Variants in AP5B1 observed in about 807,000 individuals in gnomAD.
AP5B1 encodes adaptor related protein complex 5 subunit beta 1.
In AP5B1, 3 loss-of-function variants were observed where a neutral mutation model predicts 5.7. The ratio of observed to expected loss-of-function variants is 0.53; its 90% confidence interval spans 0.24 to 1.36. The LOEUF is 1.36. Among genes scored for constraint, AP5B1 ranks in the 40% most tolerant of loss-of-function variants. The pLI is 0.17. For synonymous variants in AP5B1, 696 were observed against 555.5 expected, an observed-to-expected ratio of 1.25 and a Z score of -3.56; for missense variants, 1,310 against 1,143.2, an observed-to-expected ratio of 1.15 and a Z score of -2.10.
chr11:65,780,226 G>A lies in AP5B1; in HGVS notation c.267C>T (p.Pro89=). 2 of 1,511,038 alleles carry A rather than the reference G, an allele frequency of 1.3e-6. No individual in the cohort carries two copies. The highest frequency in any genetic ancestry group is 1.8e-6 in the Non-Finnish European group (2 of 1,133,186). The allele number at this position is 1,511,038 out of a possible 1,614,324, so 93.6% of individuals were successfully genotyped here. Residue 89 remains proline (P), a synonymous_variant, in exon 2 of 2, where the codon CCC becomes CCT. Coordinates refer to ENST00000532090, the MANE Select transcript of AP5B1 (RefSeq NM_138368.5). ...LDTLVLLPPR[P]SALRRPLLLA... is the part of the protein sequence containing the mutation. Reference sequence around the variant, plus strand: ...GCAGCAGTGGCCGACGGAGAGCTGAGGGCCGCGGGGGTAGGAGGACCAAGG... The same window carrying A: ...GCAGCAGTGGCCGACGGAGAGCTGAAGGCCGCGGGGGTAGGAGGACCAAGG...
At position 65,778,152 on chromosome 11, in the gene AP5B1, A is replaced by G. The variant is rs1326741896; in HGVS notation, c.2341T>C (p.Phe781Leu). ...CAGGAATCCCAGAGCTCCTCAAAGA[A>G]GCCCAGCCCGGCCCCCTCTGGAGGC... ...PQPPEGAGLG[F>L]FEELWDSCLP... The change falls in exon 2 of 2, where the codon TTC becomes CTC. Residue 781 changes from phenylalanine (F) to leucine (L), a missense_variant. Phe to Leu is a conservative substitution (Grantham distance 22). Coordinates refer to ENST00000532090, the MANE Select transcript of AP5B1 (RefSeq NM_138368.5). 1 of 1,612,826 alleles carries G rather than the reference A, an allele frequency of 6.2e-7. No homozygotes were observed. Among genetic ancestry groups the G allele is most frequent in the Non-Finnish European group, 8.5e-7 (1 of 1,179,898 alleles).
chr11:65,779,656 A>C lies in AP5B1; in HGVS notation c.837T>G (p.Tyr279Ter), dbSNP rs1424991832. The C allele has an allele frequency of 6.2e-7, 1 of 1,612,014 alleles. No individual in the cohort carries two copies. The highest frequency in any genetic ancestry group is 1.1e-5 in the South Asian group (1 of 91,018). ...GGGCCTGGGCCACAGGAGTGAGCAGATAGGAGGTGTCCAGAAGCTGGATCA... is the reference window on the plus strand; with the variant it reads ...GGGCCTGGGCCACAGGAGTGAGCAGCTAGGAGGTGTCCAGAAGCTGGATCA... ...AAVIQLLDTSYLLTPVAQAQL... is the reference protein window; with the variant it reads ...AAVIQLLDTS Residue 279 changes from tyrosine to a stop codon, truncating the protein, a stop_gained, in exon 2 of 2, where the codon TAT becomes TAG. Coordinates refer to ENST00000532090, the MANE Select transcript of AP5B1 (RefSeq NM_138368.5). LOFTEE classifies it low-confidence loss of function (END_TRUNC).
chr11:65,777,694 C>G lies in AP5B1; in HGVS notation c.*162G>C, dbSNP rs1337876838. 3 of 795,174 alleles carry G rather than the reference C, an allele frequency of 3.8e-6. No homozygotes were observed. Among genetic ancestry groups the G allele is most frequent in the Non-Finnish European group, 5.8e-6 (3 of 520,934 alleles). The allele number at this position is 795,174 out of a possible 1,614,324, so 49.3% of individuals were successfully genotyped here. On this transcript the variant is annotated 3_prime_UTR_variant, in exon 2 of 2. Transcript: ENST00000532090. ...CTTGCTAGAGCAGCAAAAACAGACT[C>G]AGACAGACCCTCACCCCCAGGAGCC...
rs761060780 is a variant in AP5B1 at position 65,779,645 on chromosome 11, G to T, written c.848C>A (p.Pro283His). ...QLLDTSYLLT[P>H]VAQAQLLWLL... ...CCACAGGAGCTGGGCCTGGGCCACA[G>T]GAGTGAGCAGATAGGAGGTGTCCAG... is the stretch of plus-strand genomic sequence containing the variant. The change falls in exon 2 of 2, where the codon CCT (proline) becomes CAT (histidine). Residue 283 changes from proline (P) to histidine (H), a missense_variant. Physicochemically the swap from Pro to His is moderately conservative, Grantham distance 77. Transcript: ENST00000532090. The T allele has an allele frequency of 6.2e-7, 1 of 1,611,722 alleles. No homozygotes were observed. The highest frequency in any genetic ancestry group is 1.7e-4 in the Middle Eastern group (1 of 6,044).
chr11:65,779,804 T>C lies in AP5B1; in HGVS notation c.689A>G (p.Glu230Gly). The change falls in exon 2 of 2, where the codon GAG becomes GGG. Residue 230 changes from glutamate (E) to glycine (G), a missense_variant. By Grantham distance (98) the Glu-to-Gly change is moderately conservative. Coordinates refer to ENST00000532090, the MANE Select transcript of AP5B1 (RefSeq NM_138368.5). ...CTGGGGCTGAAGGCGTCCATCGCCCTCCTCCACTAGTGTCCAATCCCAGGG... is the reference window on the plus strand; with the variant it reads ...CTGGGGCTGAAGGCGTCCATCGCCCCCCTCCACTAGTGTCCAATCCCAGGG... ...GGPWDWTLVEEGDGRLQPQAP... is the reference protein window; with the variant it reads ...GGPWDWTLVEGGDGRLQPQAP... The C allele has an allele frequency of 6.3e-7, 1 of 1,585,850 alleles. No homozygotes were observed. Among genetic ancestry groups the C allele is most frequent in the Non-Finnish European group, 8.6e-7 (1 of 1,166,166 alleles).
chr11:65,779,197 G>A lies in AP5B1; in HGVS notation c.1296C>T (p.Gly432=). The change falls in exon 2 of 2, where the codon GGC becomes GGT. Residue 432 remains glycine, a synonymous_variant. Transcript: ENST00000532090. The stretch of plus-strand genomic sequence containing the variant: ...GGTAGTGCCGTGGGCTTGGAAGCTG[G>A]CCTTTCTCCTCTTCTTCCTCCTCGG... ...LCAEEEEEEK[G]QLPSPRHYLE... is the part of the protein sequence containing the mutation. 1.9e-6 allele frequency: 3 copies of A among 1,608,112 alleles called. No homozygotes were observed. The highest frequency in any genetic ancestry group is 2.5e-6 in the Non-Finnish European group (3 of 1,177,338).
Position 65,776,651 on chromosome 11 carries a change from G to GA in AP5B1, c.*1204dup. On this transcript the variant is annotated 3_prime_UTR_variant, in exon 2 of 2. Coordinates refer to ENST00000532090, the MANE Select transcript of AP5B1 (RefSeq NM_138368.5). The stretch of plus-strand genomic sequence containing the variant: ...TTAGGTTTCTTAGGGGCTGAGATTA[G>GA]AAAAAACTTGGTCTCAGACCCTAGA... 1 of 152,328 alleles carries GA rather than the reference G, an allele frequency of 6.6e-6. No homozygotes were observed. Among genetic ancestry groups the GA allele is most frequent in the African/African-American group, 2.4e-5 (1 of 41,570 alleles). The allele number at this position is 152,328 out of a possible 1,614,324, so 9.4% of individuals were successfully genotyped here. A position where few individuals can be genotyped will look rare whatever the true frequency, so the allele number is the denominator to read the frequency against.
At position 65,779,163 on chromosome 11, in the gene AP5B1, G is replaced by A. The variant is rs774870839; in HGVS notation, c.1330C>T (p.Leu444=). ...GCCCGCTGCCGCAAGCCAGCCAGCA[G>A]CTCTTCCAGGTAGTGCCGTGGGCTT... ...LPSPRHYLEE[L]LAGLRQRAAL... The change falls in exon 2 of 2, where the codon CTG becomes TTG. Residue 444 remains leucine (L), a synonymous_variant. Transcript: ENST00000532090. 1.1e-5 allele frequency: 17 copies of A among 1,611,704 alleles called. No individual in the cohort carries two copies. The South Asian group carries it at 1.8e-4, about 17-fold the overall frequency.
chr11:65,779,603 A>AGGGCCCAGCCCAGCAGCCAC lies in AP5B1; in HGVS notation c.870_889dup (p.Leu297ArgfsTer27). 6.2e-7 allele frequency: 1 copy of AGGGCCCAGCCCAGCAGCCAC among 1,606,858 alleles called. No individual in the cohort carries two copies. The highest frequency in any genetic ancestry group is 8.5e-7 in the Non-Finnish European group (1 of 1,177,100). ...CGGTGGCTGTCCCTGCAGACCCCGCAGGGCCCAGCCCAGCAGCCACAGGAG... is the reference window on the plus strand; with the variant it reads ...CGGTGGCTGTCCCTGCAGACCCCGCAGGGCCCAGCCCAGCAGCCACGGGCCCAGCCCAGCAGCCACAGGAG... On this transcript the variant is annotated frameshift_variant, in exon 2 of 2. Coordinates refer to ENST00000532090, the MANE Select transcript of AP5B1 (RefSeq NM_138368.5). LOFTEE classifies it low-confidence loss of function (END_TRUNC).
Position 65,779,395 on chromosome 11 carries a change from G to A in AP5B1, c.1098C>T (p.Leu366=), listed in dbSNP as rs756391762. Reference sequence around the variant, plus strand: ...AGCTCAGGACGCAGTGAAGGTAAAAGAGATGGGTGGGCGGAGGCAGAGCAG... The same window carrying A: ...AGCTCAGGACGCAGTGAAGGTAAAAAAGATGGGTGGGCGGAGGCAGAGCAG... ...QHPALPPPTH[L]FYLHCVLSFP... is the part of the protein sequence containing the mutation. The change falls in exon 2 of 2, where the codon CTC becomes CTT. Residue 366 remains leucine (L), a synonymous_variant. Coordinates refer to ENST00000532090, the MANE Select transcript of AP5B1 (RefSeq NM_138368.5). The A allele has an allele frequency of 1.2e-6, 2 of 1,604,138 alleles. No homozygotes were observed. Among genetic ancestry groups the A allele is most frequent in the Admixed American group, 3.4e-5 (2 of 59,096 alleles).
Position 65,780,326 on chromosome 11 carries a change from A to T in AP5B1, c.167T>A (p.Leu56Gln). Reference sequence around the variant, plus strand: ...CAGCTGCGCAGGGTACTCCATGCTCAGGGCCAGCAGGGAAACCTGGATGGG... The same window carrying T: ...CAGCTGCGCAGGGTACTCCATGCTCTGGGCCAGCAGGGAAACCTGGATGGG... ...SEQTKVSLLA[L>Q]SMEYPAQLWP... Residue 56 changes from leucine (L) to glutamine (Q), a missense_variant, in exon 2 of 2, where the codon CTG becomes CAG. Transcript: ENST00000532090. 6.8e-7 allele frequency: 1 copy of T among 1,473,100 alleles called. No individual in the cohort carries two copies. Among genetic ancestry groups the T allele is most frequent in the South Asian group, 1.4e-5 (1 of 71,708 alleles). 91.3% of individuals were successfully genotyped at this position (1,473,100 alleles called of 1,614,324 possible). A position where few individuals can be genotyped will look rare whatever the true frequency, so the allele number is the denominator to read the frequency against.
At position 65,778,656 on chromosome 11, in the gene AP5B1, G is replaced by C; in HGVS notation, c.1837C>G (p.Arg613Gly). 1.3e-6 allele frequency: 2 copies of C among 1,567,676 alleles called. No homozygotes were observed. The change falls in exon 2 of 2, where the codon CGC becomes GGC. Residue 613 changes from arginine (R) to glycine (G), a missense_variant. Arg to Gly is a moderately radical substitution (Grantham distance 125). Coordinates refer to ENST00000532090, the MANE Select transcript of AP5B1 (RefSeq NM_138368.5). ...LEDPDGRDHARLYYILLAHLA... is the reference protein window; with the variant it reads ...LEDPDGRDHAGLYYILLAHLA... ...TGTGCCAGCAGGATGTAGTAGAGGC[G>C]GGCGTGGTCACGCCCATCAGGGTCC... is the stretch of plus-strand genomic sequence containing the variant.
chr11:65,778,988 G>A lies in AP5B1; in HGVS notation c.1505C>T (p.Pro502Leu), dbSNP rs773303558. ...QLYQARPMLA[P>L]HFVDLLDQVD... ...CTGATCCAAGAGGTCCACAAAGTGG[G>A]GAGCCAGCATGGGCCGGGCTTGGTA... The change falls in exon 2 of 2, where the codon CCC (proline) becomes CTC (leucine). Residue 502 changes from proline to leucine, a missense_variant. Coordinates refer to ENST00000532090, the MANE Select transcript of AP5B1 (RefSeq NM_138368.5). The A allele has an allele frequency of 1.9e-6, 3 of 1,612,318 alleles. No homozygotes were observed. The highest frequency in any genetic ancestry group is 2.5e-6 in the Non-Finnish European group (3 of 1,179,584).
chr11:65,778,377 G>A lies in AP5B1; in HGVS notation c.2116C>T (p.Pro706Ser), dbSNP rs1254997040. The A allele has an allele frequency of 6.2e-7, 1 of 1,606,160 alleles. No homozygotes were observed. Among genetic ancestry groups the A allele is most frequent in the Non-Finnish European group, 8.5e-7 (1 of 1,177,328 alleles). Reference sequence around the variant, plus strand: ...CAGGGCACATGGACAGCCTCCAGGGGTGCATACAGCTGTCCTTCCACACGG... The same window carrying A: ...CAGGGCACATGGACAGCCTCCAGGGATGCATACAGCTGTCCTTCCACACGG... The part of the protein sequence containing the change: ...RFRVEGQLYA[P>S]LEAVHVPCLC... The change falls in exon 2 of 2, where the codon CCC (proline) becomes TCC (serine). Residue 706 changes from proline (P) to serine (S), a missense_variant. Coordinates refer to ENST00000532090, the MANE Select transcript of AP5B1 (RefSeq NM_138368.5).
Position 65,780,100 on chromosome 11 carries a change from G to A in AP5B1, c.393C>T (p.Ser131=), listed in dbSNP as rs905068732. 4 of 1,517,828 alleles carry A rather than the reference G, an allele frequency of 2.6e-6. No homozygotes were observed. Among genetic ancestry groups the A allele is most frequent in the Admixed American group, 2.2e-5 (1 of 46,222 alleles). 94.0% of individuals were successfully genotyped at this position (1,517,828 alleles called of 1,614,324 possible). The change falls in exon 2 of 2, where the codon AGC becomes AGT. Residue 131 remains serine, a synonymous_variant. Transcript: ENST00000532090. ...LPLLLGLAAG[S]DLGRGFVPAS... is the part of the protein sequence containing the mutation. ...CGGGGACAAAGCCTCGCCCCAGATCGCTACCCGCGGCCAGGCCGAGCAGTA... is the reference window on the plus strand; with the variant it reads ...CGGGGACAAAGCCTCGCCCCAGATCACTACCCGCGGCCAGGCCGAGCAGTA...
At chr11:65,780,418 C>G (rs67995174) in intron 1 of AP5B1, 24 bp downstream of exon 1, 286,020 of 1,481,626 alleles carry the variant, frequency 0.19, 29,349 homozygotes, top group Non-Finnish European at 0.21. Flanking sequence ...TGCGGAACGG[C>G]GCAGGGGACG....
Position 65,779,264 on chromosome 11 carries a change from A to G in AP5B1, c.1229T>C (p.Met410Thr). ...TAAATGCAGGCGGGCCAGGAGGGCC[A>G]TTGGGTCATGCAGGAGACTGGGCAG... ...GLLPSLLHDP[M>T]ALLARLHLLC... The change falls in exon 2 of 2, where the codon ATG becomes ACG. Residue 410 changes from methionine to threonine, a missense_variant. Transcript: ENST00000532090. 1.3e-6 allele frequency: 2 copies of G among 1,595,464 alleles called. No homozygotes were observed. Among genetic ancestry groups the G allele is most frequent in the Non-Finnish European group, 8.5e-7 (1 of 1,170,138 alleles).
rs1208884698 is a variant in AP5B1, at chr11:65,775,955, A to C, written c.*1901T>G. On this transcript the variant is annotated 3_prime_UTR_variant, in exon 2 of 2. Coordinates refer to ENST00000532090, the MANE Select transcript of AP5B1 (RefSeq NM_138368.5). Reference sequence around the variant, plus strand: ...GCCCAGGCTGGAGTGCAGTGGCGTGATCTCGGCTCACTGCAACTTCTGCCT... The same window carrying C: ...GCCCAGGCTGGAGTGCAGTGGCGTGCTCTCGGCTCACTGCAACTTCTGCCT... The C allele has an allele frequency of 6.6e-6, 1 of 151,924 alleles. No homozygotes were observed. Among genetic ancestry groups the C allele is most frequent in the East Asian group, 1.9e-4 (1 of 5,164 alleles). 9.4% of individuals were successfully genotyped at this position (151,924 alleles called of 1,614,324 possible).
In AP5B1 at chr11:65,777,827, A is replaced by G; in HGVS notation, c.*29T>C. 1 of 1,476,266 alleles carries G rather than the reference A, an allele frequency of 6.8e-7. No individual in the cohort carries two copies. Among genetic ancestry groups the G allele is most frequent in the East Asian group, 2.5e-5 (1 of 40,308 alleles). The allele number at this position is 1,476,266 out of a possible 1,614,324, so 91.4% of individuals were successfully genotyped here. A position where few individuals can be genotyped will look rare whatever the true frequency, so the allele number is the denominator to read the frequency against. On this transcript the variant is annotated 3_prime_UTR_variant, in exon 2 of 2. Transcript: ENST00000532090. Reference sequence around the variant, plus strand: ...GTGCCTTGGCCCCCACAAGGGCCACAGTCCTGCCCCCACCTGGTCTCCCGG... The same window carrying G: ...GTGCCTTGGCCCCCACAAGGGCCACGGTCCTGCCCCCACCTGGTCTCCCGG...
Sources: gnomAD v4.1 joint callset for allele counts on GRCh38, gnomAD v4.1.1 for gene constraint, MANE v1.5 for transcripts, NCBI Gene and HGNC (gene_info 2026-07-23, HGNC 2026-07-21) for gene names.